Variants in HIVEP2 observed in about 807,000 individuals in gnomAD.
HIVEP2 encodes the protein transcription factor HIVEP2.
In HIVEP2, 14 loss-of-function variants were observed where a neutral mutation model predicts 180.7. The observed-to-expected ratio is 0.08, with a 90% confidence interval of 0.05 to 0.12. HIVEP2 has a LOEUF of 0.12. Ranked by LOEUF, HIVEP2 falls within the 10% of genes least tolerant of loss-of-function variation. The pLI is 1.00. For synonymous variants in HIVEP2, 1,184 were observed against 1,136.4 expected (o/e 1.04, Z -0.84); for missense variants, 2,579 against 3,008.5 (o/e 0.86, Z 3.34).
chr6:142,874,955 T>C (rs1462529639), intron 1 of HIVEP2, among the ~76,000 whole-genome samples: 1 of 152,142 alleles, frequency 6.6e-6, no homozygotes, highest in Non-Finnish European at 1.5e-5. Flanking sequence ...TCTTCTCTAC[T>C]AGGCACTGAG....
rs748692778 is a variant in HIVEP2 at position 142,770,136 on chromosome 6, C to T, written c.4603G>A (p.Glu1535Lys). The T allele has an allele frequency of 1.2e-6, 2 of 1,614,204 alleles. No individual in the cohort carries two copies. The highest frequency in any genetic ancestry group is 1.1e-5 in the South Asian group (1 of 91,084). The change falls in exon 5 of 10, where the codon GAG (glutamate) becomes AAG (lysine). Residue 1535 changes from glutamate (E) to lysine (K), a missense_variant. Physicochemically the swap from Glu to Lys is moderately conservative, Grantham distance 56. Coordinates refer to ENST00000367603, the MANE Select transcript of HIVEP2 (RefSeq NM_006734.4). This position sits in a 1 kb window ranked among gnomAD's most constrained non-coding sequence, Gnocchi z 4.7. ...DYPSVSPSSR[E>K]PFLPSKEMLS... Reference sequence around the variant, plus strand: ...ATCTCCTTGCTGGGCAGGAATGGCTCCCTGGAAGACGGGCTAACAGAAGGA... The same window carrying T: ...ATCTCCTTGCTGGGCAGGAATGGCTTCCTGGAAGACGGGCTAACAGAAGGA...
At chr6:142,838,342 AAC>A (rs1367428312) in intron 1 of HIVEP2, among the ~76,000 whole-genome samples, 2 of 152,264 alleles carry the variant, frequency 1.3e-5, no homozygotes, top group African/African-American at 4.8e-5. Context: ...CTTCTTCATT[AAC>A]AGAGATAAAT....
chr6:142,817,424 A>C (rs1316779836), intron 2 of HIVEP2, among the ~76,000 whole-genome samples: 2 of 152,228 alleles, frequency 1.3e-5, no homozygotes, highest in Non-Finnish European at 2.9e-5. Flanking sequence ...GACAATCACA[A>C]TGCCAAATCT....
chr6:142,834,523 T>C (rs949999666), intron 2 of HIVEP2, among the ~76,000 whole-genome samples: 3 of 152,174 alleles, frequency 2.0e-5, no homozygotes, highest in Admixed American at 1.3e-4. Context: ...AGTGACAGCA[T>C]ATAAATCTGA....
At chr6:142,764,190 T>C (rs931559007) in intron 7 of HIVEP2, among the ~76,000 whole-genome samples, 1 of 152,192 alleles carries the variant, frequency 6.6e-6, no homozygotes, top group African/African-American at 2.4e-5. Flanking sequence ...TATTTTTACA[T>C]AAATCTACCT....
Position 142,774,183 on chromosome 6 carries a change from G to C in HIVEP2, c.556C>G (p.Pro186Ala), listed in dbSNP as rs192213755. ...AHKKEHKPKK[P>A]GKYICPYCSR... Reference sequence around the variant, plus strand: ...CAGTAAGGGCAAATGTACTTGCCAGGCTTTTTGGGTTTGTGCTCTTTCTTG... The same window carrying C: ...CAGTAAGGGCAAATGTACTTGCCAGCCTTTTTGGGTTTGTGCTCTTTCTTG... Residue 186 changes from proline to alanine, a missense_variant, in exon 5 of 10, where the codon CCT (proline) becomes GCT (alanine). By Grantham distance (27) the Pro-to-Ala change is conservative (BLOSUM62 -1). This residue lies in a region of HIVEP2 where 26 missense variants were observed against 76.9 expected (regional missense o/e 0.34). Transcript: ENST00000367603. The surrounding 1 kb of genome is among the most constrained non-coding windows in gnomAD (Gnocchi z 5.1). 6 of 1,614,108 alleles carry C rather than the reference G, an allele frequency of 3.7e-6. No individual in the cohort carries two copies. The African/African-American group carries it at 6.7e-5, about 18-fold the overall frequency.
intron 2 of HIVEP2, among the ~76,000 whole-genome samples, chr6:142,830,369 C>A (rs1775046000): frequency 6.6e-6 from 1 of 152,052 alleles, no homozygotes; most frequent in Non-Finnish European, 1.5e-5. Flanking sequence ...GCAATGATCA[C>A]CCTCCTCAAA....
intron 1 of HIVEP2, among the ~76,000 whole-genome samples, chr6:142,939,000 C>G (rs543921502): frequency 6.6e-6 from 1 of 151,942 alleles, no homozygotes; most frequent in South Asian, 2.1e-4. Context: ...AATATAATTA[C>G]CTTGTAATTT....
intron 5 of HIVEP2, among the ~76,000 whole-genome samples, chr6:142,769,288 G>A (rs766893980): frequency 1.3e-5 from 2 of 152,134 alleles, no homozygotes; most frequent in Admixed American, 6.5e-5. Flanking sequence ...CCAGTGGTAG[G>A]ATTTCATGGC....
intron 2 of HIVEP2, among the ~76,000 whole-genome samples, chr6:142,794,386 A>G (rs1776232316): frequency 6.6e-6 from 1 of 152,212 alleles, no homozygotes. Flanking sequence ...TTTGAGCAAC[A>G]CAACTGTGAA....
chr6:142,808,681 G>T (rs551240640), intron 2 of HIVEP2, among the ~76,000 whole-genome samples: 2 of 149,400 alleles, frequency 1.3e-5, no homozygotes, highest in Non-Finnish European at 3.0e-5. Flanking sequence ...TAGAAGGATG[G>T]ATGAATAGAA....
intron 2 of HIVEP2, among the ~76,000 whole-genome samples, chr6:142,793,633 T>TTCTTTCC (rs1776196592): frequency 2.6e-5 from 1 of 38,292 alleles, no homozygotes; most frequent in Non-Finnish European, 4.9e-5. Flanking sequence ...TCTTTCTTTC[T>TTCTTTCC]TTCTTTCTTT....
chr6:142,770,815 C>T lies in HIVEP2; in HGVS notation c.3924G>A (p.Thr1308=), dbSNP rs1325938432. Reference sequence around the variant, plus strand: ...CTTCTTGAAGAACCTGCTCAGAGGGCGTTTCAGTTGACTTACTGCTCTGGT... The same window carrying T: ...CTTCTTGAAGAACCTGCTCAGAGGGTGTTTCAGTTGACTTACTGCTCTGGT... ...PSDQSSKSTE[T]PSEQVLQEDF... Residue 1308 remains threonine, a synonymous_variant, in exon 5 of 10, where the codon ACG becomes ACA. Transcript: ENST00000367603. The surrounding 1 kb of genome is among the most constrained non-coding windows in gnomAD (Gnocchi z 4.7). 5.6e-6 allele frequency: 9 copies of T among 1,614,180 alleles called. No homozygotes were observed. The highest frequency in any genetic ancestry group is 7.6e-6 in the Non-Finnish European group (9 of 1,180,042).
chr6:142,887,613 A>C (rs6914263), intron 1 of HIVEP2, among the ~76,000 whole-genome samples: 1,663 of 152,204 alleles, frequency 0.011, 42 homozygotes, highest in African/African-American at 0.038. Context: ...TTCCATCAGC[A>C]CTCTTAGTTT....
At chr6:142,820,405 T>C (rs1334220991) in intron 2 of HIVEP2, among the ~76,000 whole-genome samples, 2 of 152,128 alleles carry the variant, frequency 1.3e-5, no homozygotes, top group Non-Finnish European at 2.9e-5. Context: ...TTGGTGGTGG[T>C]ATATCATACT....
intron 1 of HIVEP2, among the ~76,000 whole-genome samples, chr6:142,839,519 C>T (rs114648146): frequency 2.0e-4 from 30 of 152,166 alleles, no homozygotes; most frequent in African/African-American, 6.0e-4. Context: ...AATATTTGAT[C>T]ATGCTTGTCA....
chr6:142,898,632 G>A (rs145451786), intron 1 of HIVEP2, among the ~76,000 whole-genome samples: 1 of 152,192 alleles, frequency 6.6e-6, no homozygotes, highest in African/African-American at 2.4e-5. Flanking sequence ...ACTCCAGCCT[G>A]GGCGACAGAG....
At chr6:142,944,300 A>C (rs1057222728) in intron 1 of HIVEP2, among the ~76,000 whole-genome samples, 3 of 151,224 alleles carry the variant, frequency 2.0e-5, no homozygotes, top group Non-Finnish European at 4.4e-5. Context: ...CGGGAGGCAC[A>C]TGCGTATAAA....
At chr6:142,896,486 G>T (rs1300887828) in intron 1 of HIVEP2, among the ~76,000 whole-genome samples, 1 of 152,046 alleles carries the variant, frequency 6.6e-6, no homozygotes, top group Admixed American at 6.5e-5. Flanking sequence ...TCACAGGCTG[G>T]GCTACTTCTG....
Sources: allele counts gnomAD v4.1 joint callset (sites outside exome capture counted in the v4.1 genomes callset), GRCh38; gene constraint gnomAD v4.1.1; regional missense constraint gnomAD v4.1.1; non-coding constraint Gnocchi (gnomAD v3.1); transcripts MANE v1.5; gene names NCBI Gene and HGNC (gene_info 2026-07-23, HGNC 2026-07-21).